Variants in SCAMP2 observed in about 807,000 individuals in gnomAD.
The protein encoded by SCAMP2 is secretory carrier membrane protein 2.
In SCAMP2, 25 loss-of-function variants were observed where a neutral mutation model predicts 44.1. That is an observed-to-expected ratio of 0.57 (90% CI 0.41 to 0.79). SCAMP2 has a LOEUF of 0.79. SCAMP2 is among the 30% of genes least tolerant of loss of function. SCAMP2 has a pLI of 0.00. For synonymous variants in SCAMP2, 156 were observed against 166.0 expected, an observed-to-expected ratio of 0.94 and a Z score of 0.46; for missense variants, 355 against 411.0, an observed-to-expected ratio of 0.86 and a Z score of 1.18.
intron 1 of SCAMP2, among the ~76,000 whole-genome samples, chr15:74,864,516 G>A (rs541371685): frequency 1.3e-5 from 2 of 152,158 alleles, no homozygotes; most frequent in Non-Finnish European, 2.9e-5. Flanking sequence ...TACAGGCAAC[G>A]GGGAACAACT....
intron 1 of SCAMP2, among the ~76,000 whole-genome samples, chr15:74,856,998 C>T (rs2064473026): frequency 6.6e-6 from 1 of 152,138 alleles, no homozygotes; most frequent in Non-Finnish European, 1.5e-5. Flanking sequence ...TCCTAGGACC[C>T]AAAATGGGAG....
chr15:74,848,129 G>A (rs2064411724), intron 7 of SCAMP2, among the ~76,000 whole-genome samples: 2 of 150,874 alleles, frequency 1.3e-5, no homozygotes, highest in South Asian at 2.1e-4. Context: ...GTCCAGTGGT[G>A]CAATCATGGC....
chr15:74,854,148 T>G, intron 2 of SCAMP2, 29 bp from the exon 3 acceptor site: 1 of 1,571,560 alleles, frequency 6.4e-7, no homozygotes, highest in Non-Finnish European at 8.8e-7. Flanking sequence ...AAGACAGAAT[T>G]GAGTGGGACT....
At chr15:74,847,082 G>GTCGA (rs2064404252) in intron 7 of SCAMP2, among the ~76,000 whole-genome samples, 1 of 113,688 alleles carries the variant, frequency 8.8e-6, no homozygotes, top group Non-Finnish European at 1.9e-5. Context: ...CCTATTGTCA[G>GTCGA]TTAATTTTTT....
At chr15:74,872,382 C>T (rs1179227996) in intron 1 of SCAMP2, among the ~76,000 whole-genome samples, 1 of 150,526 alleles carries the variant, frequency 6.6e-6, no homozygotes, top group Non-Finnish European at 1.5e-5. Flanking sequence ...CAATGCACTC[C>T]AGCCTGGGCG....
chr15:74,862,836 A>C (rs1471808731), intron 1 of SCAMP2, among the ~76,000 whole-genome samples: 127 of 137,872 alleles, frequency 9.2e-4, no homozygotes, highest in South Asian at 3.8e-3. Context: ...AAAAAAAAAA[A>C]AACAAAAAAC....
chr15:74,862,263 C>CAAGAA lies in SCAMP2; in HGVS notation c.58-7615_58-7614insTTCTT, dbSNP rs2064510838. Among the ~76,000 whole-genome samples the CAAGAA allele has an allele frequency of 1.9e-4, 3 of 15,448 alleles. 1 individual carries two copies. The highest frequency in any genetic ancestry group is 3.0e-4 in the Non-Finnish European group (3 of 9,884). 10.1% of individuals were successfully genotyped at this position (15,448 alleles called of 152,430 possible). ...GGGTGACAGAGTGAGACTCTGTCTC[C>CAAGAA]AAAAAAAAAAAAAAAAAAAAAAAAA... is the stretch of plus-strand genomic sequence containing the variant. On this transcript the variant is annotated intron_variant, in intron 1 of 8. Transcript: ENST00000268099.
chr15:74,844,750 A>G lies in SCAMP2; in HGVS notation c.*333T>C, dbSNP rs933416878. The G allele has an allele frequency of 2.4e-5, 5 of 211,424 alleles. No individual in the cohort carries two copies. Among genetic ancestry groups the G allele is most frequent in the East Asian group, 1.2e-4 (1 of 8,652 alleles). 13.1% of individuals were successfully genotyped at this position (211,424 alleles called of 1,614,324 possible). A position where few individuals can be genotyped will look rare whatever the true frequency, so the allele number is the denominator to read the frequency against. ...AGAAAGCTCCAGCTGGGATGGGCCC[A>G]GGTCAGCCTGTGATCCCAACTGTGT... On this transcript the variant is annotated 3_prime_UTR_variant, in exon 9 of 9. Transcript: ENST00000268099.
In SCAMP2 at chr15:74,851,501, T is replaced by C. The variant is rs2064435508; in HGVS notation, c.344-20A>G. ...GTCTCACTGGGTAGGGCAAAAAGAG[T>C]GACGAGGTAAGGGCCCAGCCTCAGA... On this transcript the variant is annotated intron_variant, in intron 4 of 8. Coordinates refer to ENST00000268099, the MANE Select transcript of SCAMP2 (RefSeq NM_005697.5). The C allele has an allele frequency of 2.5e-6, 4 of 1,611,820 alleles. No individual in the cohort carries two copies. Among genetic ancestry groups the C allele is most frequent in the African/African-American group, 1.3e-5 (1 of 74,578 alleles).
chr15:74,868,580 A>G (rs923868350), intron 1 of SCAMP2, among the ~76,000 whole-genome samples: 2 of 152,096 alleles, frequency 1.3e-5, no homozygotes, highest in Non-Finnish European at 1.5e-5. Context: ...GTTTCACTCT[A>G]TTACCCAGGC....
chr15:74,848,676 C>CA lies in SCAMP2; in HGVS notation c.657dup (p.Val220CysfsTer37), dbSNP rs2141171167. On this transcript the variant is annotated frameshift_variant, in exon 7 of 9. Transcript: ENST00000268099. LOFTEE classifies it high-confidence loss of function. ...TGACAAAAAAATACAAAGAAGAACACAAAGAAGCTGAAAGAGTTGTCGGAC... is the reference window on the plus strand; with the variant it reads ...TGACAAAAAAATACAAAGAAGAACACAAAAGAAGCTGAAAGAGTTGTCGGAC... The CA allele has an allele frequency of 6.2e-7, 1 of 1,613,684 alleles. No homozygotes were observed. The highest frequency in any genetic ancestry group is 8.5e-7 in the Non-Finnish European group (1 of 1,179,676).
In SCAMP2 at chr15:74,850,506, TCA is replaced by T; in HGVS notation, c.632+6_632+7del. On this transcript the variant is annotated splice_donor_region_variant and intron_variant, in intron 6 of 8. Transcript: ENST00000268099. ...TAAAGTCTCACCCCTTGCCCCGGCCTCACTCACCTAAAGGCCTTATAGATGGG... is the reference window on the plus strand; with the variant it reads ...TAAAGTCTCACCCCTTGCCCCGGCCTCTCACCTAAAGGCCTTATAGATGGG... 6 of 1,613,498 alleles carry T rather than the reference TCA, an allele frequency of 3.7e-6. No homozygotes were observed. Among genetic ancestry groups the T allele is most frequent in the Non-Finnish European group, 5.1e-6 (6 of 1,179,620 alleles).
chr15:74,865,585 G>C (rs769562412), intron 1 of SCAMP2, among the ~76,000 whole-genome samples: 60 of 151,630 alleles, frequency 4.0e-4, no homozygotes, highest in Non-Finnish European at 7.1e-4. Context: ...GTTTGAAATA[G>C]TGGTCTGAGC....
At chr15:74,869,391 G>C (rs1567256569) in intron 1 of SCAMP2, among the ~76,000 whole-genome samples, 1 of 152,044 alleles carries the variant, frequency 6.6e-6, no homozygotes, top group East Asian at 1.9e-4. Context: ...TCACACTGGA[G>C]AAAAAATGTA....
Position 74,873,283 on chromosome 15 carries a change from C to T in SCAMP2, c.-28G>A. The T allele has an allele frequency of 2.7e-6, 4 of 1,476,874 alleles. No homozygotes were observed. The highest frequency in any genetic ancestry group is 1.4e-5 in the South Asian group (1 of 72,946). The allele number at this position is 1,476,874 out of a possible 1,614,324, so 91.5% of individuals were successfully genotyped here. A position where few individuals can be genotyped will look rare whatever the true frequency, so the allele number is the denominator to read the frequency against. The stretch of plus-strand genomic sequence containing the variant: ...TGATCGGGGGCCAGCGGGCGAACTC[C>T]GCGAACGCTGCTGCCTCCGGGCACC... On this transcript the variant is annotated 5_prime_UTR_variant, in exon 1 of 9. Transcript: ENST00000268099.
rs369162469 is a variant in SCAMP2, at chr15:74,853,979, C to T, written c.225+42G>A. The T allele has an allele frequency of 2.6e-6, 4 of 1,528,604 alleles. No individual in the cohort carries two copies. The African/African-American group carries it at 4.1e-5, about 16-fold the overall frequency. The allele number at this position is 1,528,604 out of a possible 1,614,324, so 94.7% of individuals were successfully genotyped here. A position where few individuals can be genotyped will look rare whatever the true frequency, so the allele number is the denominator to read the frequency against. On this transcript the variant is annotated intron_variant, in intron 3 of 8. Coordinates refer to ENST00000268099, the MANE Select transcript of SCAMP2 (RefSeq NM_005697.5). ...GCTCAGCTACTGGTCTGGATGATTC[C>T]CTCACTGGAGAGAAAAGGCCAGAGT...
rs1338304728 is a variant in SCAMP2 at position 74,862,289 on chromosome 15, ATTC to A, written c.58-7643_58-7641del. The stretch of plus-strand genomic sequence containing the variant: ...AAAAAAAAAAAAAAAAAAAAAAAAA[ATTC>A]CTGGCCAGGTGCAATGGCTCACACC... On this transcript the variant is annotated intron_variant, in intron 1 of 8. Transcript: ENST00000268099. 6.5e-3 allele frequency among the ~76,000 whole-genome samples: 699 copies of A among 107,890 alleles called. 154 individuals are homozygous for A. The highest frequency in any genetic ancestry group is 8.0e-3 in the Non-Finnish European group (472 of 58,762). The allele number at this position is 107,890 out of a possible 152,430, so 70.8% of individuals were successfully genotyped here.
At chr15:74,864,786 A>G (rs1405384645) in intron 1 of SCAMP2, among the ~76,000 whole-genome samples, 1 of 152,240 alleles carries the variant, frequency 6.6e-6, no homozygotes, top group Admixed American at 6.6e-5. Flanking sequence ...AGGAAAGGGA[A>G]GGGAAAGAAT....
chr15:74,859,367 CT>C (rs2064487847), intron 1 of SCAMP2, among the ~76,000 whole-genome samples: 1 of 152,178 alleles, frequency 6.6e-6, no homozygotes, highest in Non-Finnish European at 1.5e-5. Flanking sequence ...TGGGCACCCC[CT>C]GAAGGGGTGC....
Sources: allele counts gnomAD v4.1 joint callset (sites outside exome capture counted in the v4.1 genomes callset), GRCh38; gene constraint gnomAD v4.1.1; transcripts MANE v1.5; gene names NCBI Gene and HGNC (gene_info 2026-07-23, HGNC 2026-07-21).